ARHGAP26: variants seen among roughly 807,000 people sequenced by gnomAD.
ARHGAP26 encodes the protein Rho GTPase activating protein 26.
In ARHGAP26, 38 loss-of-function variants were observed where a neutral mutation model predicts 104.8. The ratio of observed to expected loss-of-function variants is 0.36; its 90% CI spans 0.28 to 0.48. ARHGAP26 has a LOEUF of 0.48. Ranked by LOEUF, ARHGAP26 falls within the 20% of genes least tolerant of loss-of-function variation. The pLI, the probability that ARHGAP26 is intolerant of heterozygous loss-of-function variation, is 0.99. For synonymous variants in ARHGAP26, 341 were observed against 340.0 expected, an observed-to-expected ratio of 1.00 and a Z score of -0.03; for missense variants, 704 against 947.9, an observed-to-expected ratio of 0.74 and a Z score of 3.38.
At chr5:143,202,680 A>G (rs1424750993) in intron 20 of ARHGAP26, 5 of 152,254 alleles carry the variant, frequency 3.3e-5, no homozygotes, top group Non-Finnish European at 7.3e-5. Flanking sequence ...AAACTATATT[A>G]CAAGGCTCCA....
rs368142614 is a variant in ARHGAP26, at chr5:143,210,911, C to T, written c.2100-3086C>T. ...GAAGGGCACTGTTGACAGGAGCAGC[C>T]GAAAACTACCCCAGGCCCTCTGTAT... On this transcript the variant is annotated intron_variant, in intron 21 of 22. Transcript: ENST00000645722. Among the ~76,000 whole-genome samples, 28 of 152,270 alleles carry T rather than the reference C, an allele frequency of 1.8e-4. No homozygotes were observed. The South Asian group carries it at 4.8e-3, about 26-fold the overall frequency.
intron 11 of ARHGAP26, among the ~76,000 whole-genome samples, chr5:142,935,807 G>A (rs1285848587): frequency 6.6e-6 from 1 of 152,110 alleles, no homozygotes. Context: ...CTTACTCTCA[G>A]ATGTATGTTC....
intron 1 of ARHGAP26, among the ~76,000 whole-genome samples, chr5:142,787,395 A>G (rs931502723): frequency 8.5e-5 from 13 of 152,248 alleles, no homozygotes; most frequent in African/African-American, 2.9e-4. Context: ...TTTAATGCCT[A>G]TTAGGGACCT....
At chr5:142,950,792 A>G (rs1768207027) in intron 11 of ARHGAP26, among the ~76,000 whole-genome samples, 1 of 152,216 alleles carries the variant, frequency 6.6e-6, no homozygotes, top group African/African-American at 2.4e-5. Flanking sequence ...AGTTATAGAA[A>G]TAAAGAAAAC....
chr5:142,951,768 T>C (rs1328284367), intron 11 of ARHGAP26, among the ~76,000 whole-genome samples: 2 of 152,198 alleles, frequency 1.3e-5, no homozygotes, highest in African/African-American at 2.4e-5. Flanking sequence ...TTTCTGCACC[T>C]TCCAGATGGG....
At chr5:142,892,649 G>A (rs1161242272) in intron 5 of ARHGAP26, among the ~76,000 whole-genome samples, 1 of 149,682 alleles carries the variant, frequency 6.7e-6, no homozygotes, top group Non-Finnish European at 1.5e-5. Flanking sequence ...TACTATTTGG[G>A]CTAATATGAC....
At chr5:142,917,037 A>ATT (rs35921990) in intron 10 of ARHGAP26, among the ~76,000 whole-genome samples, 3 of 135,420 alleles carry the variant, frequency 2.2e-5, no homozygotes, top group African/African-American at 2.8e-5. Flanking sequence ...AGACTTTGGA[A>ATT]TTTTTTTTTT....
intron 17 of ARHGAP26, among the ~76,000 whole-genome samples, chr5:143,091,059 G>A (rs190336542): frequency 1.3e-5 from 2 of 152,312 alleles, no homozygotes; most frequent in African/African-American, 2.4e-5. Context: ...GCAATAGAGC[G>A]AGTAAAGAAA....
At chr5:142,936,647 A>G (rs1341395725) in intron 11 of ARHGAP26, among the ~76,000 whole-genome samples, 5 of 152,226 alleles carry the variant, frequency 3.3e-5, no homozygotes, top group Non-Finnish European at 7.3e-5. Flanking sequence ...ACAGTAATCA[A>G]GACTGTGGTA....
chr5:142,901,739 G>T (rs1760369640), intron 6 of ARHGAP26, among the ~76,000 whole-genome samples, 196 bp from the exon 7 acceptor site: 1 of 152,220 alleles, frequency 6.6e-6, no homozygotes, highest in Non-Finnish European at 1.5e-5. Context: ...TAGTGCTTAG[G>T]TCATGGGATG....
chr5:143,137,247 C>G (rs767226166), intron 19 of ARHGAP26, among the ~76,000 whole-genome samples: 1 of 152,246 alleles, frequency 6.6e-6, no homozygotes, highest in South Asian at 2.1e-4. Context: ...ATGCATATCA[C>G]TGTTTGGAAT....
At chr5:142,947,561 T>C (rs1258865600) in intron 11 of ARHGAP26, among the ~76,000 whole-genome samples, 1 of 152,196 alleles carries the variant, frequency 6.6e-6, no homozygotes, top group Non-Finnish European at 1.5e-5. Context: ...ATTGATCCTG[T>C]CTGTTATAAC....
intron 17 of ARHGAP26, among the ~76,000 whole-genome samples, chr5:143,119,229 A>G (rs147088736): frequency 2.8e-4 from 43 of 152,304 alleles, no homozygotes; most frequent in African/African-American, 8.7e-4. Context: ...AATGATCATC[A>G]TCCAAACCGT....
chr5:142,821,858 G>A (rs557375365), intron 1 of ARHGAP26, among the ~76,000 whole-genome samples: 4 of 152,224 alleles, frequency 2.6e-5, no homozygotes, highest in East Asian at 1.9e-4. Context: ...TGCCCCTTAC[G>A]TATTGGTGCT....
At chr5:143,159,007 G>A (rs1350133726) in intron 20 of ARHGAP26, among the ~76,000 whole-genome samples, 2 of 152,216 alleles carry the variant, frequency 1.3e-5, no homozygotes, top group African/African-American at 2.4e-5. Context: ...TGGTGCCGAG[G>A]AATCACAAGA....
chr5:143,207,460 C>T (rs1341570957), intron 21 of ARHGAP26, 152 bp downstream of exon 21: 1 of 1,613,988 alleles, frequency 6.2e-7, no homozygotes, highest in South Asian at 1.1e-5. Flanking sequence ...AGAAGCGGTA[C>T]ATGAAGACTC....
At chr5:142,772,574 C>T (rs1191579210) in intron 1 of ARHGAP26, 2 of 367,368 alleles carry the variant, frequency 5.4e-6, no homozygotes, top group Non-Finnish European at 1.1e-5. Context: ...AGGTGTACTT[C>T]ATTCCAGGCA....
chr5:143,170,865 G>C (rs6884086), intron 20 of ARHGAP26, among the ~76,000 whole-genome samples: 2,571 of 152,238 alleles, frequency 0.017, 70 homozygotes, highest in African/African-American at 0.059. Context: ...GACTGAAGCA[G>C]CCCAGTCATG....
chr5:143,090,548 G>T (rs998204919), intron 17 of ARHGAP26, among the ~76,000 whole-genome samples: 1 of 152,180 alleles, frequency 6.6e-6, no homozygotes, highest in Non-Finnish European at 1.5e-5. Context: ...GGGGATCAAA[G>T]AAACGCATTT....
Sources: gnomAD v4.1 joint callset for allele counts (sites outside exome capture counted in the v4.1 genomes callset) on GRCh38, gnomAD v4.1.1 for gene constraint, MANE v1.5 for transcripts, NCBI Gene and HGNC (gene_info 2026-07-23, HGNC 2026-07-21) for gene names.